Variants in NRXN3 observed in about 807,000 individuals in gnomAD.
NRXN3 encodes neurexin III.
In NRXN3, 32 loss-of-function variants were observed where a neutral mutation model predicts 137.6. That is an observed-to-expected ratio of 0.23 (90% CI 0.18 to 0.31). The LOEUF is 0.31. Ranked by LOEUF, NRXN3 falls within the 10% of genes least tolerant of loss-of-function variation. NRXN3 has a pLI of 1.00. For missense variants in NRXN3, 1,574 were observed against 2,062.5 expected (o/e 0.76, Z 4.59); for synonymous variants, 798 against 784.5 (o/e 1.02, Z -0.29).
At chr14:79,137,145 G>A (rs188641815) in intron 15 of NRXN3, among the ~76,000 whole-genome samples, 1 of 152,318 alleles carries the variant, frequency 6.6e-6, no homozygotes, top group East Asian at 1.9e-4. Flanking sequence ...TCGGAGAGGA[G>A]AGCCTTACAC....
intron 14 of NRXN3, chr14:78,972,973 A>G (rs536782157): frequency 2.0e-5 from 3 of 152,304 alleles, no homozygotes; most frequent in African/African-American, 4.8e-5. Flanking sequence ...AACCCTTGGT[A>G]TCTTTTCTTT....
chr14:78,732,920 G>T (rs1000148069), intron 8 of NRXN3, among the ~76,000 whole-genome samples: 3 of 152,028 alleles, frequency 2.0e-5, no homozygotes, highest in Non-Finnish European at 4.4e-5. Context: ...TTGCTTTTTG[G>T]AAAATTTAGA....
At chr14:79,359,100 T>A (rs1362311205) in intron 15 of NRXN3, among the ~76,000 whole-genome samples, 2 of 152,216 alleles carry the variant, frequency 1.3e-5, no homozygotes, top group East Asian at 3.9e-4. Context: ...TGGGATAACA[T>A]TTGTATTAGT....
intron 10 of NRXN3, among the ~76,000 whole-genome samples, chr14:78,938,818 CTT>C (rs1488856757): frequency 4.1e-5 from 6 of 148,082 alleles, no homozygotes; most frequent in Non-Finnish European, 5.9e-5. Context: ...GCCATGTAGA[CTT>C]TATATTTGAA....
chr14:78,566,168 C>CA (rs931390711), intron 4 of NRXN3, among the ~76,000 whole-genome samples: 60 of 150,950 alleles, frequency 4.0e-4, no homozygotes, highest in Non-Finnish European at 4.6e-4. Context: ...CAACGCCGGC[C>CA]AAAAAAAAGA....
intron 15 of NRXN3, among the ~76,000 whole-genome samples, chr14:79,450,624 C>G (rs140822097): frequency 2.6e-5 from 4 of 151,922 alleles, no homozygotes; most frequent in Non-Finnish European, 4.4e-5. Context: ...TTTGGTAGGC[C>G]GAGGTGGGAG....
intron 4 of NRXN3, among the ~76,000 whole-genome samples, chr14:78,333,078 G>A (rs2081029512): frequency 6.6e-6 from 1 of 152,154 alleles, no homozygotes; most frequent in African/African-American, 2.4e-5. Context: ...TTCTTGATTT[G>A]GTCCCTGGAT....
Position 78,487,076 on chromosome 14 carries a change from G to A in NRXN3, c.758-158044G>A, listed in dbSNP as rs117172822. ...ATCCTTCATTTCCAGTCACTGCTAT[G>A]GTCTGGCTGACCTTCTGAATGTACC... On this transcript the variant is annotated intron_variant, in intron 4 of 20. Transcript: ENST00000335750. Among the ~76,000 whole-genome samples the A allele has an allele frequency of 7.7e-4, 117 of 152,264 alleles. No individual in the cohort carries two copies. The East Asian group carries it at 0.016, about 21-fold the overall frequency.
chr14:78,311,882 T>C (rs2078021149), intron 4 of NRXN3, among the ~76,000 whole-genome samples: 1 of 152,194 alleles, frequency 6.6e-6, no homozygotes, highest in African/African-American at 2.4e-5. Context: ...GCATATAATT[T>C]CAGAGCTCAA....
At chr14:79,684,802 G>A (rs778047842) in intron 17 of NRXN3, among the ~76,000 whole-genome samples, 3 of 152,094 alleles carry the variant, frequency 2.0e-5, no homozygotes, top group Non-Finnish European at 4.4e-5. Context: ...AACATGAGAG[G>A]AATGAGAGGA....
At chr14:79,002,751 G>C (rs1010823842) in intron 15 of NRXN3, among the ~76,000 whole-genome samples, 1 of 152,162 alleles carries the variant, frequency 6.6e-6, no homozygotes, top group African/African-American at 2.4e-5. Flanking sequence ...GGATTGCTGG[G>C]TCAAACGGTA....
At chr14:79,443,692 A>G (rs2096006181) in intron 15 of NRXN3, among the ~76,000 whole-genome samples, 1 of 152,226 alleles carries the variant, frequency 6.6e-6, no homozygotes, top group African/African-American at 2.4e-5. Flanking sequence ...GGTGTCCTGA[A>G]TGAGGAATCT....
At position 78,943,617 on chromosome 14, in the gene NRXN3, AAAAAATATATATATATATAT is replaced by A. The variant is rs1441469144; in HGVS notation, c.2276-13623_2276-13604del. ...AAGAAGCAAGATCACTGTTAAAAAA[AAAAAATATATATATATATAT>A]ATATATATATATATATATATATATA... On this transcript the variant is annotated intron_variant, in intron 10 of 20. Coordinates refer to ENST00000335750, the MANE Select transcript of NRXN3 (RefSeq NM_001330195.2). 2.4e-3 allele frequency among the ~76,000 whole-genome samples: 96 copies of A among 40,526 alleles called. 2 individuals are homozygous for A. The highest frequency in any genetic ancestry group is 2.4e-3 in the Non-Finnish European group (57 of 23,662). 26.6% of individuals were successfully genotyped at this position (40,526 alleles called of 152,430 possible). A position where few individuals can be genotyped will look rare whatever the true frequency, so the allele number is the denominator to read the frequency against.
intron 10 of NRXN3, among the ~76,000 whole-genome samples, chr14:78,818,641 G>A (rs571848642): frequency 1.3e-5 from 2 of 152,078 alleles, no homozygotes; most frequent in Non-Finnish European, 2.9e-5. Flanking sequence ...GAAGATGAAC[G>A]TGTATCTGTA....
At chr14:79,542,728 A>T (rs1344347416) in intron 16 of NRXN3, among the ~76,000 whole-genome samples, 2 of 152,158 alleles carry the variant, frequency 1.3e-5, no homozygotes, top group Non-Finnish European at 2.9e-5. Context: ...CAAACAAGTG[A>T]TAGAACCCTA....
chr14:79,458,504 T>C (rs887521035), intron 15 of NRXN3, among the ~76,000 whole-genome samples: 2 of 152,186 alleles, frequency 1.3e-5, no homozygotes, highest in Non-Finnish European at 2.9e-5. Flanking sequence ...TAAGCATAGG[T>C]AAGCCAGGTT....
chr14:78,350,398 C>T (rs1325250057), intron 4 of NRXN3, among the ~76,000 whole-genome samples: 1 of 151,830 alleles, frequency 6.6e-6, no homozygotes, highest in East Asian at 1.9e-4. Flanking sequence ...TGCTGAAGGA[C>T]AAATAGTAAG....
intron 4 of NRXN3, among the ~76,000 whole-genome samples, chr14:78,395,078 T>C (rs940726628): frequency 1.3e-5 from 2 of 152,006 alleles, no homozygotes; most frequent in South Asian, 4.1e-4. Context: ...TGCTTTTGTC[T>C]TTATCTTCCA....
chr14:78,978,752 CTT>C (rs2099479237), intron 14 of NRXN3, among the ~76,000 whole-genome samples: 1 of 147,088 alleles, frequency 6.8e-6, no homozygotes, highest in African/African-American at 2.5e-5. Context: ...ATATATACAT[CTT>C]ATATATAATA....
Sources: gnomAD v4.1 joint callset for allele counts (sites outside exome capture counted in the v4.1 genomes callset) on GRCh38, gnomAD v4.1.1 for gene constraint, MANE v1.5 for transcripts, NCBI Gene and HGNC (gene_info 2026-07-23, HGNC 2026-07-21) for gene names.